NRXN3: variants seen among roughly 807,000 people sequenced by gnomAD.
NRXN3 encodes the protein neurexin 3, also known as neurexin III.
Under a neutral mutation model 137.6 loss-of-function variants are expected in NRXN3, and 32 were observed. The ratio of observed to expected loss-of-function variants is 0.23; its 90% CI spans 0.18 to 0.31. The LOEUF (loss-of-function observed/expected upper bound fraction) is 0.31. NRXN3 is among the 10% of genes least tolerant of loss of function. The pLI, the probability that NRXN3 is intolerant of heterozygous loss-of-function variation, is 1.00. For missense variants in NRXN3, 1,574 were observed against 2,062.5 expected (o/e 0.76, Z 4.59); for synonymous variants, 798 against 784.5 (o/e 1.02, Z -0.29).
At chr14:78,284,544 C>T (rs1445717906) in intron 3 of NRXN3, among the ~76,000 whole-genome samples, 1 of 152,204 alleles carries the variant, frequency 6.6e-6, no homozygotes, top group African/African-American at 2.4e-5. Context: ...TCGGGGTTCA[C>T]ATAAGTTATC....
At chr14:78,630,168 C>T in intron 4 of NRXN3, among the ~76,000 whole-genome samples, 1 of 152,162 alleles carries the variant, frequency 6.6e-6, no homozygotes, top group Non-Finnish European at 1.5e-5. Context: ...CTTGAAGCAC[C>T]TGGTGGACCT....
chr14:79,102,792 T>G (rs986130537), intron 15 of NRXN3, among the ~76,000 whole-genome samples: 1 of 152,150 alleles, frequency 6.6e-6, no homozygotes, highest in African/African-American at 2.4e-5. Context: ...GGGAATATTA[T>G]GATAAATTAC....
intron 16 of NRXN3, among the ~76,000 whole-genome samples, chr14:79,636,998 T>C (rs772859670): frequency 1.3e-5 from 2 of 152,208 alleles, no homozygotes; most frequent in Non-Finnish European, 2.9e-5. Context: ...CAGCTGACAC[T>C]GCTTTAAATG....
intron 15 of NRXN3, among the ~76,000 whole-genome samples, chr14:79,365,744 A>T (rs2093865792): frequency 1.4e-5 from 2 of 141,404 alleles, no homozygotes; most frequent in African/African-American, 5.3e-5. Flanking sequence ...AAAAAAAAAA[A>T]GAAAAAAAAG....
chr14:79,193,914 G>A (rs1021422574), intron 15 of NRXN3, among the ~76,000 whole-genome samples: 2 of 152,180 alleles, frequency 1.3e-5, no homozygotes, highest in African/African-American at 4.8e-5. Context: ...AGACTGCAAT[G>A]TTCAGAATGC....
At chr14:79,326,506 A>G (rs1431521926) in intron 15 of NRXN3, among the ~76,000 whole-genome samples, 2 of 152,156 alleles carry the variant, frequency 1.3e-5, no homozygotes, top group African/African-American at 4.8e-5. Flanking sequence ...GTGTCATTCT[A>G]TCTCCCATCT....
intron 4 of NRXN3, among the ~76,000 whole-genome samples, chr14:78,592,759 T>G (rs545290791): frequency 1.1e-4 from 17 of 152,322 alleles, no homozygotes; most frequent in African/African-American, 4.1e-4. Context: ...CTGATGGATG[T>G]GTTTATGATA....
intron 17 of NRXN3, among the ~76,000 whole-genome samples, chr14:79,683,399 T>A (rs2098680151): frequency 6.6e-6 from 1 of 152,128 alleles, no homozygotes; most frequent in Non-Finnish European, 1.5e-5. Context: ...AATAGCAAAT[T>A]GGCAGGTGAG....
intron 15 of NRXN3, among the ~76,000 whole-genome samples, chr14:79,381,959 C>G (rs2094482876): frequency 6.6e-6 from 1 of 152,146 alleles, no homozygotes; most frequent in South Asian, 2.1e-4. Flanking sequence ...ATTAACACTC[C>G]TTGTACTCTG....
chr14:78,251,111 G>A lies in NRXN3; in HGVS notation c.709+7309G>A, dbSNP rs1005602055. ...AGTTGGAGCACAGGTGCACCACACC[G>A]GAGCTTCGCTGGACAGGATGACCTC... On this transcript the variant is annotated intron_variant, in intron 2 of 20. Coordinates refer to ENST00000335750, the MANE Select transcript of NRXN3 (RefSeq NM_001330195.2). Among the ~76,000 whole-genome samples the A allele has an allele frequency of 3.9e-5, 6 of 152,192 alleles. No individual in the cohort carries two copies. In the South Asian group the frequency reaches 6.2e-4, roughly 16 times the overall value.
At chr14:78,170,952 CTTTTTTTTT>C (rs545853025) in intron 1 of NRXN3, among the ~76,000 whole-genome samples, 1 of 126,212 alleles carries the variant, frequency 7.9e-6, no homozygotes, top group Non-Finnish European at 1.6e-5. Flanking sequence ...TCTTCTTCTT[CTTTTTTTTT>C]TTTTTTTTTT....
chr14:78,263,303 A>AT (rs1311308005), intron 2 of NRXN3, among the ~76,000 whole-genome samples: 1 of 152,120 alleles, frequency 6.6e-6, no homozygotes, highest in African/African-American at 2.4e-5. Context: ...TATTTGTATG[A>AT]TTTTATCCAC....
chr14:78,677,135 CT>C (rs1427856300), intron 6 of NRXN3, among the ~76,000 whole-genome samples: 1 of 152,012 alleles, frequency 6.6e-6, no homozygotes, highest in East Asian at 1.9e-4. Context: ...ACTTTTAAGC[CT>C]TATTATTTAA....
chr14:79,036,765 A>G (rs73316615), intron 15 of NRXN3, among the ~76,000 whole-genome samples: 6,483 of 151,962 alleles, frequency 0.043, 515 homozygotes, highest in African/African-American at 0.15. Flanking sequence ...TATACTAAGA[A>G]GGATAGATAA....
intron 15 of NRXN3, among the ~76,000 whole-genome samples, chr14:79,348,792 A>G (rs1189576837): frequency 3.3e-5 from 5 of 152,208 alleles, no homozygotes; most frequent in Non-Finnish European, 7.3e-5. Context: ...CAAGAAGTAT[A>G]TAGAATTGCT....
intron 3 of NRXN3, among the ~76,000 whole-genome samples, chr14:78,281,256 C>T (rs1248030431): frequency 6.6e-6 from 1 of 152,212 alleles, no homozygotes; most frequent in African/African-American, 2.4e-5. Context: ...ATTCTGGAGC[C>T]GACAGCGCTG....
chr14:79,545,981 TAGTG>T (rs1275044983), intron 16 of NRXN3, among the ~76,000 whole-genome samples: 1 of 152,092 alleles, frequency 6.6e-6, no homozygotes, highest in Non-Finnish European at 1.5e-5. Context: ...GTTCTCCTGA[TAGTG>T]AGTAAGTCTC....
At chr14:78,831,534 CAAAAAAAAAAAAA>C (rs372852083) in intron 10 of NRXN3, among the ~76,000 whole-genome samples, 3 of 58,202 alleles carry the variant, frequency 5.2e-5, no homozygotes, top group South Asian at 2.1e-3. Context: ...GACTCCATGT[CAAAAAAAAAAAAA>C]AAAAAAAAAA....
At chr14:79,565,249 A>ATATATACATATATGTGTGTGTG (rs2097536238) in intron 16 of NRXN3, among the ~76,000 whole-genome samples, 1 of 36,856 alleles carries the variant, frequency 2.7e-5, no homozygotes, top group South Asian at 1.5e-3. Flanking sequence ...ATGTGTGTGT[A>ATATATACATATATGTGTGTGTG]TATATACATA....
Sources: allele counts gnomAD v4.1 joint callset (sites outside exome capture counted in the v4.1 genomes callset), GRCh38; gene constraint gnomAD v4.1.1; transcripts MANE v1.5; gene names NCBI Gene and HGNC (gene_info 2026-07-23, HGNC 2026-07-21).